The following GPC5 variants were observed in gnomAD, a reference collection of about 807,000 sequenced individuals.
GPC5 encodes the protein glypican-5.
A neutral mutation model predicts 53.9 loss-of-function variants in GPC5; 47 were observed. The observed-to-expected ratio is 0.87, with a 90% CI of 0.69 to 1.11. The LOEUF (loss-of-function observed/expected upper bound fraction) is 1.11, where lower values mean the gene tolerates loss of function less well. Among genes scored for constraint, GPC5 ranks in the 50% most tolerant of loss-of-function variants. The probability of loss-of-function intolerance (pLI) is 0.00; values close to 1 mark genes in which losing one functional copy is unlikely to be tolerated. For synonymous variants in GPC5, 286 were observed against 263.3 expected, an observed-to-expected ratio of 1.09 and a Z score of -0.84; for missense variants, 748 against 713.1, an observed-to-expected ratio of 1.05 and a Z score of -0.56.
intron 7 of GPC5, among the ~76,000 whole-genome samples, chr13:92,520,353 T>A (rs1246959948): frequency 6.6e-6 from 1 of 152,158 alleles, no homozygotes; most frequent in Non-Finnish European, 1.5e-5. Context: ...CCAATATCCC[T>A]GATGAACATC....
intron 7 of GPC5, among the ~76,000 whole-genome samples, chr13:92,787,692 A>G (rs984829036): frequency 6.7e-6 from 1 of 148,584 alleles, no homozygotes; most frequent in Non-Finnish European, 1.5e-5. Context: ...AAGAAAAGAA[A>G]AGAAAGAAAG....
At chr13:92,169,770 A>G (rs569169502) in intron 7 of GPC5, among the ~76,000 whole-genome samples, 6 of 152,154 alleles carry the variant, frequency 3.9e-5, no homozygotes, top group Non-Finnish European at 7.4e-5. Context: ...AAATTATTTT[A>G]TAATTTGAGA....
intron 1 of GPC5, among the ~76,000 whole-genome samples, chr13:91,413,653 A>T (rs1594054845): frequency 6.6e-6 from 1 of 152,228 alleles, no homozygotes; most frequent in Admixed American, 6.5e-5. Context: ...CTGTGTGATA[A>T]CACTTTCCAG....
rs565978347 is a variant in GPC5 at position 92,467,051 on chromosome 13, C to G, written c.1561+322062C>G. On this transcript the variant is annotated intron_variant, in intron 7 of 7. Transcript: ENST00000377067. Reference sequence around the variant, plus strand: ...GCTGGAGAAACGAGGCCTCCATTTCCCAAAGGTAGGACAGCACTTTCAGTT... The same window carrying G: ...GCTGGAGAAACGAGGCCTCCATTTCGCAAAGGTAGGACAGCACTTTCAGTT... 3.9e-5 allele frequency among the ~76,000 whole-genome samples: 6 copies of G among 152,052 alleles called. No individual in the cohort carries two copies. In the South Asian group the frequency reaches 1.2e-3, roughly 32 times the overall value.
At chr13:92,407,116 C>A (rs538446578) in intron 7 of GPC5, among the ~76,000 whole-genome samples, 1 of 152,232 alleles carries the variant, frequency 6.6e-6, no homozygotes, top group African/African-American at 2.4e-5. Context: ...GAGTGTGATG[C>A]TAAATCAGCC....
chr13:91,803,518 T>A (rs576619924), intron 5 of GPC5, among the ~76,000 whole-genome samples: 23 of 152,188 alleles, frequency 1.5e-4, no homozygotes, highest in African/African-American at 5.3e-4. Flanking sequence ...TTTCTTACCA[T>A]AAATTTCACC....
chr13:92,337,209 A>C (rs1205560849), intron 7 of GPC5, among the ~76,000 whole-genome samples: 1 of 152,132 alleles, frequency 6.6e-6, no homozygotes, highest in Non-Finnish European at 1.5e-5. Context: ...ACCCAAAAAA[A>C]AAAAAGAAAT....
chr13:92,262,878 A>G (rs756193171), intron 7 of GPC5, among the ~76,000 whole-genome samples: 23 of 152,190 alleles, frequency 1.5e-4, no homozygotes, highest in Non-Finnish European at 2.8e-4. Context: ...CATGTGCTTC[A>G]TTAGTTTATC....
chr13:92,288,013 C>CCTTACATCT (rs1003364633), intron 7 of GPC5, among the ~76,000 whole-genome samples: 9 of 151,958 alleles, frequency 5.9e-5, no homozygotes, highest in African/African-American at 1.9e-4. Context: ...GCAGATTCTT[C>CCTTACATCT]CTTACATCTG....
chr13:91,846,724 C>T (rs1352706118), intron 5 of GPC5, among the ~76,000 whole-genome samples: 3 of 152,154 alleles, frequency 2.0e-5, no homozygotes. Flanking sequence ...AGCACTCTCC[C>T]ATTTTCTTTC....
chr13:92,097,972 TC>T (rs1253396956), intron 6 of GPC5, among the ~76,000 whole-genome samples: 2 of 152,170 alleles, frequency 1.3e-5, no homozygotes, highest in Non-Finnish European at 2.9e-5. Flanking sequence ...CACCTTTAAG[TC>T]TTTTATTCTT....
intron 2 of GPC5, among the ~76,000 whole-genome samples, chr13:91,551,637 T>C (rs952562781): frequency 2.6e-5 from 4 of 152,096 alleles, no homozygotes; most frequent in African/African-American, 9.7e-5. Context: ...TAGCAAATAA[T>C]AGCCCTGAGA....
chr13:92,563,426 A>T (rs1594307545), intron 7 of GPC5, among the ~76,000 whole-genome samples: 1 of 152,080 alleles, frequency 6.6e-6, no homozygotes, highest in Non-Finnish European at 1.5e-5. Flanking sequence ...ACATTTTTTA[A>T]TGCAGTTTTC....
intron 7 of GPC5, among the ~76,000 whole-genome samples, chr13:92,855,717 T>C (rs1383651719): frequency 6.6e-6 from 1 of 151,876 alleles, no homozygotes; most frequent in African/African-American, 2.4e-5. Flanking sequence ...AAGACCACTA[T>C]GAACATCTCA....
At chr13:92,238,916 T>C (rs192812601) in intron 7 of GPC5, among the ~76,000 whole-genome samples, 18 of 152,110 alleles carry the variant, frequency 1.2e-4, no homozygotes, top group Admixed American at 9.2e-4. Context: ...CTATTTTGAC[T>C]AAATTTTTAT....
chr13:91,741,863 T>G (rs548554073), intron 4 of GPC5, among the ~76,000 whole-genome samples: 1 of 152,172 alleles, frequency 6.6e-6, no homozygotes, highest in Non-Finnish European at 1.5e-5. Context: ...TCAGAAAAAT[T>G]TAATATCATT....
intron 6 of GPC5, 111 bp from the exon 7 acceptor site, chr13:92,144,719 A>C: frequency 9.8e-7 from 1 of 1,023,774 alleles, no homozygotes; most frequent in Non-Finnish European, 1.4e-6. Flanking sequence ...TGGTGTCTAC[A>C]CCAAAAGAGT....
At chr13:92,563,959 G>A (rs763606445) in intron 7 of GPC5, among the ~76,000 whole-genome samples, 4 of 149,290 alleles carry the variant, frequency 2.7e-5, no homozygotes, top group East Asian at 2.0e-4. Flanking sequence ...ACTCATCAAC[G>A]TTTCATTATT....
chr13:92,666,782 T>G (rs993880547), intron 7 of GPC5, among the ~76,000 whole-genome samples: 1 of 152,212 alleles, frequency 6.6e-6, no homozygotes, highest in Non-Finnish European at 1.5e-5. Context: ...TTCTTAAATT[T>G]CCAGTACTGC....
Sources: allele counts gnomAD v4.1 joint callset (sites outside exome capture counted in the v4.1 genomes callset), GRCh38; gene constraint gnomAD v4.1.1; transcripts MANE v1.5; gene names NCBI Gene and HGNC (gene_info 2026-07-23, HGNC 2026-07-21).